The following LRP1B variants were observed in gnomAD, a reference collection of about 807,000 sequenced individuals.
LRP1B encodes the protein low-density lipoprotein receptor-related protein 1B.
In LRP1B, 217 loss-of-function variants were observed where a neutral mutation model predicts 556.6. The observed-to-expected ratio is 0.39, with a 90% CI of 0.35 to 0.44. LRP1B has a LOEUF of 0.44. LRP1B is among the 20% of genes least tolerant of loss of function. LRP1B has a pLI of 1.00. For missense variants in LRP1B, 5,053 were observed against 5,620.8 expected (o/e 0.90, Z 3.23); for synonymous variants, 2,047 against 1,865.8 (o/e 1.10, Z -2.50).
intron 2 of LRP1B, among the ~76,000 whole-genome samples, chr2:141,600,580 C>A (rs1687692271): frequency 6.6e-6 from 1 of 151,502 alleles, no homozygotes; most frequent in Non-Finnish European, 1.5e-5. Context: ...AACGTAACCA[C>A]CATTAGATCC....
At chr2:141,163,699 C>T (rs1680130222) in intron 7 of LRP1B, among the ~76,000 whole-genome samples, 1 of 151,970 alleles carries the variant, frequency 6.6e-6, no homozygotes, top group Non-Finnish European at 1.5e-5. Flanking sequence ...ATTTGGCTCG[C>T]ATTCTCTCGT....
chr2:140,374,225 G>A (rs1035269235), intron 68 of LRP1B, among the ~76,000 whole-genome samples: 1 of 152,096 alleles, frequency 6.6e-6, no homozygotes, highest in Non-Finnish European at 1.5e-5. Flanking sequence ...TGTCTCACTG[G>A]GATGATGTTT....
At chr2:141,202,961 G>T (rs184097200) in intron 6 of LRP1B, among the ~76,000 whole-genome samples, 120 of 151,960 alleles carry the variant, frequency 7.9e-4, no homozygotes, top group Middle Eastern at 3.4e-3. Flanking sequence ...TCCCAATTAT[G>T]AGTGAGAACA....
intron 86 of LRP1B, among the ~76,000 whole-genome samples, chr2:140,248,492 T>C (rs1423766031): frequency 6.6e-6 from 1 of 151,602 alleles, no homozygotes; most frequent in African/African-American, 2.4e-5. Flanking sequence ...GCTAACACAT[T>C]ATATAATTTT....
intron 3 of LRP1B, among the ~76,000 whole-genome samples, chr2:141,398,135 C>A (rs1690311008): frequency 6.6e-6 from 1 of 151,844 alleles, no homozygotes; most frequent in Non-Finnish European, 1.5e-5. Context: ...CCAGAGAGAG[C>A]CCAGAGAAGA....
chr2:140,748,704 G>A (rs1271920624), intron 35 of LRP1B, among the ~76,000 whole-genome samples: 2 of 119,168 alleles, frequency 1.7e-5, no homozygotes, highest in South Asian at 2.5e-4. Flanking sequence ...TAAGTCCTAT[G>A]TATATATATA....
chr2:140,623,027 T>C (rs1683510896), intron 41 of LRP1B, among the ~76,000 whole-genome samples: 1 of 152,134 alleles, frequency 6.6e-6, no homozygotes, highest in South Asian at 2.1e-4. Flanking sequence ...ACAAGAACAA[T>C]TTACATATTT....
At chr2:141,540,825 A>G (rs1011305698) in intron 2 of LRP1B, among the ~76,000 whole-genome samples, 2 of 152,030 alleles carry the variant, frequency 1.3e-5, no homozygotes, top group Non-Finnish European at 2.9e-5. Flanking sequence ...TGTGCTCATA[A>G]ACTGCCAGTA....
At chr2:140,560,407 T>C (rs1034161547) in intron 43 of LRP1B, among the ~76,000 whole-genome samples, 15 of 152,162 alleles carry the variant, frequency 9.9e-5, no homozygotes, top group African/African-American at 3.4e-4. Flanking sequence ...ATAACTATTA[T>C]GGGTATTTAA....
intron 2 of LRP1B, among the ~76,000 whole-genome samples, chr2:141,584,936 T>G (rs1488604337): frequency 6.6e-6 from 1 of 152,112 alleles, no homozygotes; most frequent in East Asian, 1.9e-4. Context: ...GGTACAGAGT[T>G]TCAGTTTTGC....
At chr2:141,875,920 G>A (rs1698743759) in intron 1 of LRP1B, among the ~76,000 whole-genome samples, 1 of 151,910 alleles carries the variant, frequency 6.6e-6, no homozygotes, top group South Asian at 2.1e-4. Flanking sequence ...GAGAATTCAT[G>A]AAATTAATTC....
intron 7 of LRP1B, among the ~76,000 whole-genome samples, chr2:141,174,816 A>C (rs1680665118): frequency 1.3e-5 from 2 of 152,256 alleles, no homozygotes; most frequent in South Asian, 2.1e-4. Flanking sequence ...AGAGGAATAC[A>C]GGAAGATGTG....
intron 66 of LRP1B, among the ~76,000 whole-genome samples, chr2:140,395,653 G>T (rs1684215411): frequency 6.6e-6 from 1 of 152,166 alleles, no homozygotes; most frequent in Non-Finnish European, 1.5e-5. Flanking sequence ...AGATAGAGAA[G>T]AGAAAGTCTT....
At chr2:141,815,026 T>C (rs974398130) in intron 1 of LRP1B, among the ~76,000 whole-genome samples, 14 of 152,046 alleles carry the variant, frequency 9.2e-5, no homozygotes, top group African/African-American at 3.1e-4. Context: ...ATGATAAAGT[T>C]CAAGTACAGT....
intron 43 of LRP1B, among the ~76,000 whole-genome samples, chr2:140,585,562 CT>C (rs1681950685): frequency 6.6e-6 from 1 of 152,196 alleles, no homozygotes; most frequent in Non-Finnish European, 1.5e-5. Flanking sequence ...AATTTTAAGT[CT>C]AGCCCAAAAT....
At chr2:141,125,789 C>T (rs1312121641) in intron 7 of LRP1B, among the ~76,000 whole-genome samples, 1 of 138,736 alleles carries the variant, frequency 7.2e-6, no homozygotes, top group African/African-American at 2.7e-5. Flanking sequence ...GGCTCTATAC[C>T]TATAAGGTTT....
intron 1 of LRP1B, among the ~76,000 whole-genome samples, chr2:141,847,847 A>T (rs562736958): frequency 6.6e-6 from 1 of 151,748 alleles, no homozygotes; most frequent in South Asian, 2.1e-4. Context: ...TTGTGGCAAT[A>T]GGGTAAAGTA....
chr2:141,665,308 C>A (rs1690384261), intron 2 of LRP1B, among the ~76,000 whole-genome samples: 1 of 152,240 alleles, frequency 6.6e-6, no homozygotes, highest in Non-Finnish European at 1.5e-5. Context: ...GACATACATG[C>A]AGCCAATAAA....
At chr2:140,882,004 A>G (rs544915714) in intron 25 of LRP1B, among the ~76,000 whole-genome samples, 8 of 152,248 alleles carry the variant, frequency 5.3e-5, no homozygotes, top group African/African-American at 1.9e-4. Context: ...GTTTGGAGAG[A>G]CCATTTTTAA....
Sources: gnomAD v4.1 joint callset for allele counts (sites outside exome capture counted in the v4.1 genomes callset) on GRCh38, gnomAD v4.1.1 for gene constraint, MANE v1.5 for transcripts, NCBI Gene and HGNC (gene_info 2026-07-23, HGNC 2026-07-21) for gene names.